Variants in EPAS1 observed in about 807,000 individuals in gnomAD.
EPAS1 encodes endothelial PAS domain protein 1, also known as endothelial PAS domain-containing protein 1.
In EPAS1, 23 loss-of-function variants were observed where a neutral mutation model predicts 87.9. The ratio of observed to expected loss-of-function variants is 0.26; its 90% confidence interval spans 0.19 to 0.37. EPAS1 has a LOEUF of 0.37. EPAS1 is among the 10% of genes least tolerant of loss of function. The pLI is 1.00. For synonymous variants in EPAS1, 508 were observed against 444.3 expected, an observed-to-expected ratio of 1.14 and a Z score of -1.80; for missense variants, 1,138 against 1,120.7, an observed-to-expected ratio of 1.02 and a Z score of -0.22.
intron 1 of EPAS1, among the ~76,000 whole-genome samples, chr2:46,317,568 G>T (rs1453024888): frequency 6.6e-6 from 1 of 152,176 alleles, no homozygotes; most frequent in Non-Finnish European, 1.5e-5. Flanking sequence ...AGAACCCTAG[G>T]ACTTACAGAA....
rs1417384546 is a variant in EPAS1 at position 46,384,959 on chromosome 2, CCTCCTT to C, written c.*309_*314del. 1.2e-5 allele frequency: 5 copies of C among 420,120 alleles called. No homozygotes were observed. Among genetic ancestry groups the C allele is most frequent in the African/African-American group, 8.1e-5 (4 of 49,396 alleles). The allele number at this position is 420,120 out of a possible 1,614,324, so 26.0% of individuals were successfully genotyped here. On this transcript the variant is annotated 3_prime_UTR_variant, in exon 16 of 16. Transcript: ENST00000263734. ...TTTATATTATCCATAGGTTTCTCTCCCTCCTTCTCCTTCTCACACACAACTGTCCAT... is the reference window on the plus strand; with the variant it reads ...TTTATATTATCCATAGGTTTCTCTCCCTCCTTCTCACACACAACTGTCCAT...
chr2:46,384,945 C>A lies in EPAS1; in HGVS notation c.*285C>A. The A allele has an allele frequency of 2.2e-6, 1 of 455,166 alleles. No homozygotes were observed. Among genetic ancestry groups the A allele is most frequent in the East Asian group, 4.4e-5 (1 of 22,638 alleles). The allele number at this position is 455,166 out of a possible 1,614,324, so 28.2% of individuals were successfully genotyped here. On this transcript the variant is annotated 3_prime_UTR_variant, in exon 16 of 16. Coordinates refer to ENST00000263734, the MANE Select transcript of EPAS1 (RefSeq NM_001430.5). The stretch of plus-strand genomic sequence containing the variant: ...TCAATGACTTCTAATTTATATTATC[C>A]ATAGGTTTCTCTCCCTCCTTCTCCT...
chr2:46,318,990 A>T (rs1275130881), intron 1 of EPAS1, among the ~76,000 whole-genome samples: 1 of 152,232 alleles, frequency 6.6e-6, no homozygotes, highest in Non-Finnish European at 1.5e-5. Context: ...CTCAGAAAAC[A>T]AGCTATAACC....
rs77794056 is a variant in EPAS1, at chr2:46,376,791, C to T, written c.1249+38C>T. Reference sequence around the variant, plus strand: ...TAGCTAAGCCAGGCCCCTGGAACCCCGTTGGGGCTGGGAAGAGTTCTTACT... The same window carrying T: ...TAGCTAAGCCAGGCCCCTGGAACCCTGTTGGGGCTGGGAAGAGTTCTTACT... On this transcript the variant is annotated intron_variant, in intron 9 of 15. Transcript: ENST00000263734. The T allele has an allele frequency of 5.0e-3, 7,963 of 1,604,106 alleles. 330 individuals are homozygous for T. In the African/African-American group the frequency reaches 0.093, roughly 19 times the overall value.
chr2:46,378,767 G>A lies in EPAS1; in HGVS notation c.1554G>A (p.Gln518=). The A allele has an allele frequency of 6.2e-7, 1 of 1,612,888 alleles. No individual in the cohort carries two copies. The highest frequency in any genetic ancestry group is 1.3e-5 in the African/African-American group (1 of 75,034). The part of the protein sequence containing the change: ...DTEAKDQCST[Q]TDFNELDLET... The stretch of plus-strand genomic sequence containing the variant: ...AGGCCAAGGACCAATGCAGTACCCA[G>A]GTAGATGGCTGTGGAGATCAGGCTA... The change falls in exon 11 of 16, where the codon CAG becomes CAA. Residue 518 remains glutamine, a splice_region_variant and synonymous_variant. Coordinates refer to ENST00000263734, the MANE Select transcript of EPAS1 (RefSeq NM_001430.5).
chr2:46,315,026 A>G (rs1250811367), intron 1 of EPAS1, among the ~76,000 whole-genome samples: 1 of 151,658 alleles, frequency 6.6e-6, no homozygotes, highest in Non-Finnish European at 1.5e-5. Flanking sequence ...GTCACACTGC[A>G]CTCCCTCTGT....
intron 2 of EPAS1, among the ~76,000 whole-genome samples, chr2:46,354,661 C>G (rs1038562875): frequency 3.3e-5 from 5 of 151,920 alleles, no homozygotes; most frequent in Non-Finnish European, 5.9e-5. Flanking sequence ...CAGTTGCCTG[C>G]TCACTCTGTT....
chr2:46,301,075 G>C (rs1270978395), intron 1 of EPAS1, among the ~76,000 whole-genome samples: 1 of 152,204 alleles, frequency 6.6e-6, no homozygotes, highest in Non-Finnish European at 1.5e-5. Flanking sequence ...GTTGGCTTGA[G>C]TATTTAAGTT....
intron 15 of EPAS1, 172 bp from the exon 16 acceptor site, chr2:46,384,337 T>C (rs563684716): frequency 1.8e-4 from 164 of 922,248 alleles, no homozygotes; most frequent in Non-Finnish European, 2.8e-4. Context: ...AGGCAGTGGT[T>C]CTGGAGGCAG....
intron 4 of EPAS1, among the ~76,000 whole-genome samples, chr2:46,359,056 C>G (rs1179251346): frequency 2.0e-5 from 3 of 151,800 alleles, no homozygotes; most frequent in Non-Finnish European, 4.4e-5. Flanking sequence ...ATCAAGAGAT[C>G]GAGACCATCC....
chr2:46,341,051 C>A (rs568964598), intron 1 of EPAS1, among the ~76,000 whole-genome samples: 1 of 152,146 alleles, frequency 6.6e-6, no homozygotes, highest in East Asian at 1.9e-4. Flanking sequence ...AACATTGATA[C>A]CTTTCCTCCC....
chr2:46,345,385 A>ATT (rs1429685085), intron 1 of EPAS1, among the ~76,000 whole-genome samples: 3 of 152,172 alleles, frequency 2.0e-5, no homozygotes, highest in African/African-American at 7.2e-5. Context: ...AAAACCAAAA[A>ATT]AACTCCCTTT....
intron 9 of EPAS1, 45 bp from the exon 10 acceptor site, chr2:46,377,849 C>A (rs1231289536): frequency 1.3e-6 from 2 of 1,551,480 alleles, no homozygotes; most frequent in African/African-American, 2.7e-5. Context: ...TTGGGGTGAG[C>A]CCGATGGTTG....
In EPAS1 at chr2:46,382,433, A is replaced by C. The variant is rs59901247; in HGVS notation, c.2296A>C (p.Thr766Pro). The change falls in exon 15 of 16, where the codon ACC becomes CCC. Residue 766 changes from threonine (T) to proline (P), a missense_variant. Transcript: ENST00000263734. ...LSANVPNDKF[T>P]QNPMRGLGHP... is the part of the protein sequence containing the mutation. ...TGACTTTGGTCTTTCAGATAAGTTCACCCAAAACCCCATGAGGGGCCTGGG... is the reference window on the plus strand; with the variant it reads ...TGACTTTGGTCTTTCAGATAAGTTCCCCCAAAACCCCATGAGGGGCCTGGG... 64,677 of 1,613,834 alleles carry C rather than the reference A, an allele frequency of 0.04. 7,585 individuals carry two copies. The African/African-American group carries it at 0.42, about 11-fold the overall frequency.
rs553535570 is a variant in EPAS1, at chr2:46,385,885, C to A, written c.*1225C>A. 1.3e-5 allele frequency: 2 copies of A among 152,160 alleles called. No individual in the cohort carries two copies. Among genetic ancestry groups the A allele is most frequent in the African/African-American group, 4.8e-5 (2 of 41,412 alleles). 9.4% of individuals were successfully genotyped at this position (152,160 alleles called of 1,614,324 possible). A position where few individuals can be genotyped will look rare whatever the true frequency, so the allele number is the denominator to read the frequency against. Reference sequence around the variant, plus strand: ...CAGAACTACCATGAGATGGTTTAGACGGGAATTCATGCAAATGAGGGGTCA... The same window carrying A: ...CAGAACTACCATGAGATGGTTTAGAAGGGAATTCATGCAAATGAGGGGTCA... On this transcript the variant is annotated 3_prime_UTR_variant, in exon 16 of 16. Transcript: ENST00000263734.
chr2:46,377,249 C>A (rs932991467), intron 9 of EPAS1, among the ~76,000 whole-genome samples: 28 of 152,346 alleles, frequency 1.8e-4, no homozygotes, highest in African/African-American at 6.3e-4. Context: ...AAACCCACGA[C>A]TTCATTAAAG....
chr2:46,354,595 G>A (rs1469426193), intron 2 of EPAS1, among the ~76,000 whole-genome samples: 1 of 150,894 alleles, frequency 6.6e-6, no homozygotes, highest in Non-Finnish European at 1.5e-5. Flanking sequence ...GGTGGTTCCG[G>A]GTGGAAGTTT....
intron 1 of EPAS1, among the ~76,000 whole-genome samples, chr2:46,302,138 G>GTT (rs1435996147): frequency 2.1e-5 from 3 of 146,012 alleles, no homozygotes; most frequent in South Asian, 2.2e-4. Flanking sequence ...GTGTGTGTGT[G>GTT]TGTGTGTGTG....
At chr2:46,357,792 G>A (rs1261948228) in intron 4 of EPAS1, among the ~76,000 whole-genome samples, 1 of 152,216 alleles carries the variant, frequency 6.6e-6, no homozygotes, top group Non-Finnish European at 1.5e-5. Context: ...TACCCAGCAG[G>A]TGCCAGTAGA....
Sources: allele counts gnomAD v4.1 joint callset (sites outside exome capture counted in the v4.1 genomes callset), GRCh38; gene constraint gnomAD v4.1.1; transcripts MANE v1.5; gene names NCBI Gene and HGNC (gene_info 2026-07-23, HGNC 2026-07-21).